ZNF37A: variants seen among roughly 807,000 people sequenced by gnomAD.
ZNF37A encodes the protein zinc finger protein 37A, also known as zinc finger protein 37a (KOX 21).
ZNF37A carries 10 observed loss-of-function variants against 12.3 expected under a neutral mutation model. The ratio of observed to expected loss-of-function variants is 0.82; its 90% CI spans 0.50 to 1.38. The LOEUF (loss-of-function observed/expected upper bound fraction) is 1.38, where lower values mean the gene tolerates loss of function less well. Ranked by LOEUF, ZNF37A falls within the 40% of genes most tolerant of loss-of-function variation. ZNF37A has a pLI of 0.00. For missense variants in ZNF37A, 580 were observed against 651.2 expected, an observed-to-expected ratio of 0.89 and a Z score of 1.19; for synonymous variants, 207 against 223.0, an observed-to-expected ratio of 0.93 and a Z score of 0.64.
chr10:38,118,088 G>T lies in ZNF37A; in HGVS notation c.937G>T (p.Asp313Tyr), dbSNP rs1471455663. Residue 313 changes from aspartate to tyrosine, a missense_variant, in exon 8 of 8, where the codon GAC becomes TAC. Physicochemically the swap from Asp to Tyr is radical, Grantham distance 160. Transcript: ENST00000685332. The part of the protein sequence containing the change: ...ECGKTFYKNS[D>Y]LIKHQRIHTG... ...TGGGAAGACCTTCTATAAGAATTCA[G>T]ACCTCATTAAACATCAAAGAATTCA... 1.2e-6 allele frequency: 2 copies of T among 1,613,758 alleles called. No homozygotes were observed. Among genetic ancestry groups the T allele is most frequent in the South Asian group, 2.2e-5 (2 of 91,052 alleles).
chr10:38,142,411 A>G (rs1339409399), intron 7 of ZNF37A: 1 of 152,238 alleles, frequency 6.6e-6, no homozygotes, highest in African/African-American at 2.4e-5. Context: ...ACCATCAGAA[A>G]ATATAAACAC....
chr10:38,147,508 T>C (rs2070269841), exon 8 of ZNF37A: 1 of 152,244 alleles, frequency 6.6e-6, no homozygotes, highest in African/African-American at 2.4e-5. Context: ...AATAATAAGA[T>C]TTATTCAGAG....
intron 7 of ZNF37A, among the ~76,000 whole-genome samples, chr10:38,133,306 T>C (rs1284806837): frequency 6.6e-6 from 1 of 152,168 alleles, no homozygotes; most frequent in East Asian, 1.9e-4. Context: ...TTTGCCACTT[T>C]GTTGCTTGTT....
intron 5 of ZNF37A, among the ~76,000 whole-genome samples, chr10:38,102,517 T>C (rs887479199): frequency 6.6e-5 from 10 of 152,196 alleles, no homozygotes; most frequent in Non-Finnish European, 1.3e-4. Flanking sequence ...GTGTGCACAT[T>C]ACATAGATGC....
intron 7 of ZNF37A, among the ~76,000 whole-genome samples, chr10:38,145,901 C>T (rs1305849894): frequency 1.3e-5 from 2 of 152,124 alleles, no homozygotes; most frequent in Non-Finnish European, 2.9e-5. Flanking sequence ...GGGCTCGAGA[C>T]CAGCCTGGTC....
At chr10:38,115,329 A>G in intron 7 of ZNF37A, 39 bp downstream of exon 7, 1 of 1,600,350 alleles carries the variant, frequency 6.2e-7, no homozygotes, top group Non-Finnish European at 8.5e-7. Context: ...AAAGGAAGGT[A>G]GATCACAAAG....
intron 7 of ZNF37A, among the ~76,000 whole-genome samples, chr10:38,144,753 A>G (rs1329749597): frequency 6.6e-6 from 1 of 152,104 alleles, no homozygotes; most frequent in East Asian, 1.9e-4. Context: ...CTCATAATAG[A>G]ATCTTGAATT....
chr10:38,114,672 TG>T, intron 5 of ZNF37A, 82 bp from the exon 6 acceptor site: 3 of 1,558,898 alleles, frequency 1.9e-6, no homozygotes, highest in Non-Finnish European at 2.6e-6. Context: ...ACAATAAAAA[TG>T]GTAAGAATTA....
exon 8 of ZNF37A, chr10:38,148,620 G>A (rs572986784): frequency 4.6e-5 from 7 of 152,236 alleles, no homozygotes; most frequent in African/African-American, 1.7e-4. Context: ...GTGTTTTACT[G>A]AGAGGGAGGC....
intron 5 of ZNF37A, among the ~76,000 whole-genome samples, chr10:38,106,192 C>T (rs1042991971): frequency 2.4e-4 from 37 of 152,058 alleles, no homozygotes; most frequent in African/African-American, 7.7e-4. Context: ...CTGGTGATAC[C>T]GAGGCAAACA....
intron 5 of ZNF37A, among the ~76,000 whole-genome samples, chr10:38,112,730 A>C (rs1160956644): frequency 2.6e-5 from 2 of 77,504 alleles, no homozygotes; most frequent in Non-Finnish European, 5.2e-5. Flanking sequence ...TTTTACATCC[A>C]TTTTCTTTTC....
At chr10:38,145,111 G>A (rs1291918218) in intron 7 of ZNF37A, among the ~76,000 whole-genome samples, 2 of 152,094 alleles carry the variant, frequency 1.3e-5, no homozygotes, top group Admixed American at 6.5e-5. Flanking sequence ...AGTTTTGAAC[G>A]GCTTGGATGC....
intron 5 of ZNF37A, among the ~76,000 whole-genome samples, chr10:38,113,825 A>G (rs1054284570): frequency 6.6e-6 from 1 of 152,172 alleles, no homozygotes; most frequent in African/African-American, 2.4e-5. Flanking sequence ...TTTCCAGTTC[A>G]CCATCAACTT....
chr10:38,118,041 A>G lies in ZNF37A; in HGVS notation c.890A>G (p.Lys297Arg), dbSNP rs528695388. The change falls in exon 8 of 8, where the codon AAA becomes AGA. Residue 297 changes from lysine (K) to arginine (R), a missense_variant. Lys to Arg is a conservative substitution (Grantham distance 26, BLOSUM62 2). Coordinates refer to ENST00000685332, the MANE Select transcript of ZNF37A (RefSeq NM_001324250.3). The part of the protein sequence containing the change: ...TRHQRTHTGG[K>R]PYECHECGKT... ...CATCAGAGAACACACACAGGGGGAA[A>G]ACCCTATGAATGTCATGAATGTGGG... 79 of 1,613,932 alleles carry G rather than the reference A, an allele frequency of 4.9e-5. No homozygotes were observed. The highest frequency in any genetic ancestry group is 6.4e-5 in the Non-Finnish European group (76 of 1,180,026).
At chr10:38,145,339 A>G (rs2070238794) in intron 7 of ZNF37A, among the ~76,000 whole-genome samples, 1 of 152,150 alleles carries the variant, frequency 6.6e-6, no homozygotes, top group Non-Finnish European at 1.5e-5. Context: ...GAAAGAAACA[A>G]ATTGTCTTGA....
downstream of ZNF37A, chr10:38,125,490 C>T (rs1252209573): frequency 6.6e-6 from 1 of 151,988 alleles, no homozygotes; most frequent in Non-Finnish European, 1.5e-5. Context: ...GCAACATGCC[C>T]CTACTGCATG....
At chr10:38,098,432 T>C (rs139503999) in intron 5 of ZNF37A, among the ~76,000 whole-genome samples, 55 of 152,332 alleles carry the variant, frequency 3.6e-4, no homozygotes, top group African/African-American at 1.3e-3. Context: ...TAGGAATTTT[T>C]AGTTAGCTTT....
intron 5 of ZNF37A, among the ~76,000 whole-genome samples, chr10:38,111,914 C>CCTT (rs2068696793): frequency 7.0e-6 from 1 of 142,986 alleles, no homozygotes; most frequent in African/African-American, 2.6e-5. Flanking sequence ...TGCTGATGAT[C>CCTT]TTTTTTTTTT....
chr10:38,130,485 G>C (rs2070008124), downstream of ZNF37A, among the ~76,000 whole-genome samples: 1 of 151,998 alleles, frequency 6.6e-6, no homozygotes, highest in East Asian at 1.9e-4. Flanking sequence ...TTTTGAGACA[G>C]AGTCTTGCTC....
Sources: gnomAD v4.1 joint callset for allele counts (sites outside exome capture counted in the v4.1 genomes callset) on GRCh38, gnomAD v4.1.1 for gene constraint, MANE v1.5 for transcripts, NCBI Gene and HGNC (gene_info 2026-07-23, HGNC 2026-07-21) for gene names.